INKA2: variants seen among roughly 807,000 people sequenced by gnomAD.
INKA2 encodes PAK4-inhibitor INKA2.
Under a neutral mutation model 9.8 loss-of-function variants are expected in INKA2, and 3 were observed. That is an observed-to-expected ratio of 0.31 (90% CI 0.14 to 0.79). The LOEUF (loss-of-function observed/expected upper bound fraction) is 0.79. Among genes scored for constraint, INKA2 ranks in the 30% least tolerant of loss-of-function variants. The probability of loss-of-function intolerance (pLI) is 0.62; values close to 1 mark genes in which losing one functional copy is unlikely to be tolerated. For synonymous variants in INKA2, 147 were observed against 143.3 expected (o/e 1.03, Z -0.18); for missense variants, 392 against 384.4 (o/e 1.02, Z -0.17).
intron 1 of INKA2, among the ~76,000 whole-genome samples, chr1:111,751,168 A>G (rs1485550237): frequency 1.3e-5 from 2 of 152,234 alleles, no homozygotes; most frequent in Non-Finnish European, 2.9e-5. Flanking sequence ...TCCAGGAATT[A>G]GGTAAACAAT....
chr1:111,736,044 A>G (rs563131799), intron 1 of INKA2, among the ~76,000 whole-genome samples: 1 of 152,032 alleles, frequency 6.6e-6, no homozygotes, highest in East Asian at 1.9e-4. Context: ...GTCTACCCCC[A>G]CTTATTGGCA....
At position 111,727,174 on chromosome 1, in the gene INKA2, G is replaced by T; in HGVS notation, c.688C>A (p.Pro230Thr). The T allele has an allele frequency of 6.2e-7, 1 of 1,614,212 alleles. No individual in the cohort carries two copies. The highest frequency in any genetic ancestry group is 8.5e-7 in the Non-Finnish European group (1 of 1,180,028). The change falls in exon 2 of 2, where the codon CCA becomes ACA. Residue 230 changes from proline (P) to threonine (T), a missense_variant. By Grantham distance (38) the Pro-to-Thr change is conservative. Coordinates refer to ENST00000357260, the MANE Select transcript of INKA2 (RefSeq NM_019099.5). Reference sequence around the variant, plus strand: ...GGGACCATGGGTGTCACCCAGCCTGGCTTCTCCTTCAGCAGCCGGTCACGG... The same window carrying T: ...GGGACCATGGGTGTCACCCAGCCTGTCTTCTCCTTCAGCAGCCGGTCACGG... ...PDRDRLLKEK[P>T]GWVTPMVPES...
At position 111,739,281 on chromosome 1, in the gene INKA2, C is replaced by G. The variant is rs981694145; in HGVS notation, c.-39G>C. On this transcript the variant is annotated 5_prime_UTR_variant, in exon 1 of 2. Coordinates refer to ENST00000357260, the MANE Select transcript of INKA2 (RefSeq NM_019099.5). The stretch of plus-strand genomic sequence containing the variant: ...GGGTTCGGTTCAAACAGAGAGGGCC[C>G]GGGTGAAACCCCGGCCCCACTGGAA... The G allele has an allele frequency of 5.6e-6, 9 of 1,612,244 alleles. No homozygotes were observed. The African/African-American group carries it at 1.1e-4, about 19-fold the overall frequency.
intron 1 of INKA2, among the ~76,000 whole-genome samples, chr1:111,728,870 C>T (rs556681294): frequency 2.8e-5 from 4 of 141,680 alleles, no homozygotes; most frequent in South Asian, 4.7e-4. Context: ...CCTCGAGACT[C>T]GAGATGGCTG....
chr1:111,729,461 T>C (rs1662858056), intron 1 of INKA2, among the ~76,000 whole-genome samples: 2 of 152,218 alleles, frequency 1.3e-5, no homozygotes, highest in Non-Finnish European at 2.9e-5. Flanking sequence ...GGCTGCCAGC[T>C]GGAAGGTGCT....
chr1:111,735,256 A>G (rs892744258), intron 1 of INKA2, among the ~76,000 whole-genome samples: 12 of 152,238 alleles, frequency 7.9e-5, no homozygotes, highest in Admixed American at 2.0e-4. Flanking sequence ...TAAACACAGT[A>G]TGAACTCAAT....
At chr1:111,745,268 TATATATATATA>T (rs1663239063) in intron 1 of INKA2, 2 of 36,680 alleles carry the variant, frequency 5.5e-5, no homozygotes, top group South Asian at 9.8e-4. Flanking sequence ...AGAGATATTA[TATATATATATA>T]TATATATATA....
In INKA2 at chr1:111,755,512, G is replaced by A. The variant is rs570351865; in HGVS notation, n.124+189C>T. 771 of 637,396 alleles carry A rather than the reference G, an allele frequency of 1.2e-3. 2 individuals are homozygous for A. Among genetic ancestry groups the A allele is most frequent in the Non-Finnish European group, 1.9e-3 (707 of 380,330 alleles). 39.5% of individuals were successfully genotyped at this position (637,396 alleles called of 1,614,324 possible). ...AAGAGGTGGCCGCGAAGCGAGACAG[G>A]CCAGCGGAACGGAAAACGGAAGCAC... On this transcript the variant is annotated intron_variant and non_coding_transcript_variant, in intron 1 of 1. Coordinates refer to the INKA2 transcript ENST00000444059.
rs1021247776 is a variant in INKA2, at chr1:111,754,701, T to G, written n.124+1000A>C. On this transcript the variant is annotated intron_variant and non_coding_transcript_variant, in intron 1 of 1. Transcript: ENST00000444059. ...TGAATATGGCTGAGGTCCAGAAATA[T>G]TTAAATTTGGCATGATGACTAAGAG... 5 of 152,148 alleles carry G rather than the reference T, an allele frequency of 3.3e-5. 1 individual carries two copies. The allele number at this position is 152,148 out of a possible 1,614,324, so 9.4% of individuals were successfully genotyped here. A position where few individuals can be genotyped will look rare whatever the true frequency, so the allele number is the denominator to read the frequency against.
Position 111,723,516 on chromosome 1 carries a change from T to G in INKA2, c.*3452A>C. The G allele has an allele frequency of 2.2e-5, 4 of 179,132 alleles. No homozygotes were observed. The highest frequency in any genetic ancestry group is 4.7e-5 in the Non-Finnish European group (4 of 85,966). The allele number at this position is 179,132 out of a possible 1,614,324, so 11.1% of individuals were successfully genotyped here. On this transcript the variant is annotated 3_prime_UTR_variant, in exon 2 of 2. Transcript: ENST00000357260. ...TCCACAGATACCTGGGCCAATCAGG[T>G]GGCCCTTGTACCTGCCAGGGAAGTG...
chr1:111,734,655 G>C (rs1350669388), intron 1 of INKA2, among the ~76,000 whole-genome samples: 1 of 152,148 alleles, frequency 6.6e-6, no homozygotes, highest in Admixed American at 6.5e-5. Flanking sequence ...CTATGCTCTA[G>C]GCAAACTCCA....
At chr1:111,746,471 G>A (rs965969352) in intron 1 of INKA2, 10 of 152,326 alleles carry the variant, frequency 6.6e-5, no homozygotes, top group Admixed American at 2.6e-4. Flanking sequence ...AAGTGACTGA[G>A]GCAATAGAGA....
chr1:111,739,533 C>T (rs1468692880), upstream of INKA2: 3 of 901,858 alleles, frequency 3.3e-6, no homozygotes, highest in African/African-American at 1.7e-5. Flanking sequence ...CCGAGGCGGA[C>T]CCTACCGCAG....
Position 111,725,758 on chromosome 1 carries a change from A to T in INKA2, c.*1210T>A. 4.8e-6 allele frequency: 1 copy of T among 208,942 alleles called. No homozygotes were observed. Among genetic ancestry groups the T allele is most frequent in the Non-Finnish European group, 9.4e-6 (1 of 105,976 alleles). The allele number at this position is 208,942 out of a possible 1,614,324, so 12.9% of individuals were successfully genotyped here. A position where few individuals can be genotyped will look rare whatever the true frequency, so the allele number is the denominator to read the frequency against. Reference sequence around the variant, plus strand: ...TTTTTTATTTTTTTTGAGACAGGGGAGTCTTGCTCTGTCAGCCAGGCTGGA... The same window carrying T: ...TTTTTTATTTTTTTTGAGACAGGGGTGTCTTGCTCTGTCAGCCAGGCTGGA... On this transcript the variant is annotated 3_prime_UTR_variant, in exon 2 of 2. Transcript: ENST00000357260.
chr1:111,754,259 T>C (rs1663476229), intron 1 of INKA2: 1 of 152,200 alleles, frequency 6.6e-6, no homozygotes, highest in African/African-American at 2.4e-5. Flanking sequence ...CTGGGACCTT[T>C]AGTGCCATCT....
At chr1:111,753,546 T>A (rs2101405305) in intron 1 of INKA2, among the ~76,000 whole-genome samples, 1 of 152,360 alleles carries the variant, frequency 6.6e-6, no homozygotes, top group East Asian at 1.9e-4. Flanking sequence ...AGTAACAGAA[T>A]GCCTATAAAA....
intron 1 of INKA2, among the ~76,000 whole-genome samples, chr1:111,733,526 C>T (rs1449670488): frequency 6.6e-6 from 1 of 152,196 alleles, no homozygotes; most frequent in Non-Finnish European, 1.5e-5. Context: ...GGAGGAAGAA[C>T]GTGAAGTCAT....
At chr1:111,731,008 T>G (rs1403786275) in intron 1 of INKA2, among the ~76,000 whole-genome samples, 2 of 152,166 alleles carry the variant, frequency 1.3e-5, no homozygotes, top group Non-Finnish European at 2.9e-5. Context: ...GCAGGCTTCC[T>G]TCCAGAAGGC....
At chr1:111,743,403 C>T (rs545341699), upstream of INKA2, among the ~76,000 whole-genome samples, 1 of 152,156 alleles carries the variant, frequency 6.6e-6, no homozygotes, top group South Asian at 2.1e-4. Context: ...AAACTGTATC[C>T]AGTGCTGTCA....
Sources: gnomAD v4.1 joint callset for allele counts (sites outside exome capture counted in the v4.1 genomes callset) on GRCh38, gnomAD v4.1.1 for gene constraint, MANE v1.5 for transcripts, NCBI Gene and HGNC (gene_info 2026-07-23, HGNC 2026-07-21) for gene names.